The following C14orf39 variants were observed in gnomAD, a reference collection of about 807,000 sequenced individuals.
C14orf39 encodes the protein protein SIX6OS1.
A neutral mutation model predicts 85.6 loss-of-function variants in C14orf39; 66 were observed. The observed-to-expected ratio is 0.77, with a 90% CI of 0.63 to 0.95. C14orf39 has a LOEUF of 0.95. C14orf39 is among the 40% of genes least tolerant of loss of function. The probability of loss-of-function intolerance (pLI) is 0.00; values close to 1 mark genes in which losing one functional copy is unlikely to be tolerated. For missense variants in C14orf39, 735 were observed against 663.9 expected, an observed-to-expected ratio of 1.11 and a Z score of -1.18; for synonymous variants, 242 against 214.0, an observed-to-expected ratio of 1.13 and a Z score of -1.14.
intron 1 of C14orf39, among the ~76,000 whole-genome samples, chr14:60,501,174 C>G (rs1423476553): frequency 6.6e-6 from 1 of 151,820 alleles, no homozygotes; most frequent in Non-Finnish European, 1.5e-5. Context: ...AGATGTGATG[C>G]CATGTATCTG....
chr14:60,442,539 T>A (rs1042707924), intron 16 of C14orf39, among the ~76,000 whole-genome samples: 1 of 151,974 alleles, frequency 6.6e-6, no homozygotes, highest in Non-Finnish European at 1.5e-5. Flanking sequence ...AACAGGCTTT[T>A]AAAAAAAATG....
At chr14:60,438,529 C>T (rs185470179) in intron 17 of C14orf39, among the ~76,000 whole-genome samples, 35 of 152,242 alleles carry the variant, frequency 2.3e-4, no homozygotes, top group Non-Finnish European at 4.1e-4. Flanking sequence ...GAACACATTA[C>T]TGTGCAAGGC....
chr14:60,442,447 T>G (rs1446468431), intron 16 of C14orf39, among the ~76,000 whole-genome samples: 1 of 152,218 alleles, frequency 6.6e-6, no homozygotes, highest in African/African-American at 2.4e-5. Flanking sequence ...GTATTTTTTT[T>G]GCCTATAAAA....
intron 1 of C14orf39, chr14:60,512,526 G>T (rs1387120584): frequency 6.6e-6 from 1 of 152,182 alleles, no homozygotes; most frequent in Non-Finnish European, 1.5e-5. Flanking sequence ...GGGAAAGGAT[G>T]TAATCATGTC....
At chr14:60,512,367 G>C (rs968933371) in intron 1 of C14orf39, 1 of 152,224 alleles carries the variant, frequency 6.6e-6, no homozygotes, top group Non-Finnish European at 1.5e-5. Context: ...ATGCTAGAGT[G>C]AGCATATACT....
At chr14:60,447,482 AC>A (rs1457816404) in intron 16 of C14orf39, among the ~76,000 whole-genome samples, 4 of 152,216 alleles carry the variant, frequency 2.6e-5, no homozygotes, top group African/African-American at 9.7e-5. Flanking sequence ...AATACAACTT[AC>A]AAGGCATGTG....
At position 60,436,040 on chromosome 14, in the gene C14orf39, C is replaced by T. The variant is rs1309381060; in HGVS notation, c.*805G>A. Reference sequence around the variant, plus strand: ...ACAATGATATTGAGCAAAATGTTTACAGAAGTTCATCAAATCTTAAATATC... The same window carrying T: ...ACAATGATATTGAGCAAAATGTTTATAGAAGTTCATCAAATCTTAAATATC... On this transcript the variant is annotated 3_prime_UTR_variant, in exon 18 of 18. Coordinates refer to ENST00000321731, the MANE Select transcript of C14orf39 (RefSeq NM_174978.3). 6.6e-6 allele frequency: 1 copy of T among 152,096 alleles called. No individual in the cohort carries two copies. The highest frequency in any genetic ancestry group is 6.6e-5 in the Admixed American group (1 of 15,252). The allele number at this position is 152,096 out of a possible 1,614,324, so 9.4% of individuals were successfully genotyped here.
intron 4 of C14orf39, among the ~76,000 whole-genome samples, chr14:60,480,265 T>C (rs1006717123): frequency 1.3e-5 from 2 of 151,878 alleles, no homozygotes; most frequent in Non-Finnish European, 2.9e-5. Flanking sequence ...CTATTAAAAA[T>C]ACAAAAATTA....
intron 4 of C14orf39, 81 bp downstream of exon 4, chr14:60,483,610 T>C: frequency 8.0e-7 from 1 of 1,245,620 alleles, no homozygotes; most frequent in South Asian, 1.5e-5. Flanking sequence ...GAATACTACT[T>C]TGAAGGAAGT....
upstream of C14orf39, among the ~76,000 whole-genome samples, chr14:60,488,379 C>G (rs544466128): frequency 6.6e-6 from 1 of 152,308 alleles, no homozygotes; most frequent in East Asian, 1.9e-4. Context: ...GCTCCATCTA[C>G]TGGAGAGTTT....
chr14:60,495,231 G>A, intron 2 of C14orf39: 1 of 210,316 alleles, frequency 4.8e-6, no homozygotes, highest in South Asian at 8.9e-5. Flanking sequence ...CATTGGGGTT[G>A]GTGGTGGACT....
At chr14:60,439,325 T>C (rs1454707533) in intron 17 of C14orf39, among the ~76,000 whole-genome samples, 1 of 152,174 alleles carries the variant, frequency 6.6e-6, no homozygotes, top group Non-Finnish European at 1.5e-5. Context: ...TGAAGATTAA[T>C]TAAGCTGTGA....
At chr14:60,509,716 C>T in intron 1 of C14orf39, 2 of 1,614,138 alleles carry the variant, frequency 1.2e-6, no homozygotes, top group South Asian at 2.2e-5. Flanking sequence ...GTGGAAGACC[C>T]CTGGGACCTG....
rs764805230 is a variant in C14orf39, at chr14:60,471,664, G to T, written c.399C>A (p.Pro133=). 1.9e-6 allele frequency: 3 copies of T among 1,609,002 alleles called. No individual in the cohort carries two copies. Among genetic ancestry groups the T allele is most frequent in the Non-Finnish European group, 2.5e-6 (3 of 1,176,820 alleles). The change falls in exon 6 of 18, where the codon CCC becomes CCA. Residue 133 remains proline, a synonymous_variant. Transcript: ENST00000321731. ...KQYQLKYSET[P]FSREYYEKKR... ...TCTTCTCATAATATTCACGTGAAAA[G>T]GGTGTTTCTGAGTATTTTAGTTGGT... is the stretch of plus-strand genomic sequence containing the variant.
At chr14:60,472,383 A>C (rs3931460) in intron 5 of C14orf39, among the ~76,000 whole-genome samples, 132,603 of 152,100 alleles carry the variant, frequency 0.87, 58,297 homozygotes, top group Non-Finnish European at 0.92. Flanking sequence ...TTAATTCTTG[A>C]AAAAGGACAT....
chr14:60,472,493 T>A (rs1432179751), intron 5 of C14orf39, among the ~76,000 whole-genome samples: 1 of 152,168 alleles, frequency 6.6e-6, no homozygotes, highest in Non-Finnish European at 1.5e-5. Context: ...GTTGGTGTGC[T>A]GCACCCATTA....
intron 1 of C14orf39, chr14:60,509,289 C>A: frequency 2.1e-6 from 2 of 953,976 alleles, no homozygotes; most frequent in Non-Finnish European, 3.3e-6. Flanking sequence ...TGTCCCGCTG[C>A]CCCAATCCGC....
intron 15 of C14orf39, 56 bp from the exon 16 acceptor site, chr14:60,455,201 T>A: frequency 7.8e-7 from 1 of 1,281,590 alleles, no homozygotes; most frequent in Non-Finnish European, 1.1e-6. Context: ...CACTGAATAC[T>A]GGTAAGCATC....
At chr14:60,468,358 T>C in intron 9 of C14orf39, 87 bp downstream of exon 9, 1 of 672,988 alleles carries the variant, frequency 1.5e-6, no homozygotes. Context: ...TGTGTAAATA[T>C]TAGTGGTTTG....
Sources: allele counts gnomAD v4.1 joint callset (sites outside exome capture counted in the v4.1 genomes callset), GRCh38; gene constraint gnomAD v4.1.1; transcripts MANE v1.5; gene names NCBI Gene and HGNC (gene_info 2026-07-23, HGNC 2026-07-21).